LGSN: variants seen among roughly 807,000 people sequenced by gnomAD.
The protein encoded by LGSN is lengsin.
LGSN carries 21 observed loss-of-function variants against 19.5 expected under a neutral mutation model. The observed-to-expected ratio is 1.07, with a 90% CI of 0.76 to 1.55. The LOEUF (loss-of-function observed/expected upper bound fraction) is 1.55. Among genes scored for constraint, LGSN ranks in the 40% most tolerant of loss-of-function variants. The probability of loss-of-function intolerance (pLI) is 0.00; values close to 1 mark genes in which losing one functional copy is unlikely to be tolerated. For missense variants in LGSN, 673 were observed against 608.5 expected (o/e 1.11, Z -1.12); for synonymous variants, 257 against 215.6 (o/e 1.19, Z -1.68).
At chr6:63,566,607 T>G in the LGSN span, among the ~76,000 whole-genome samples, 2 of 152,222 alleles carry the variant, frequency 1.3e-5, no homozygotes, top group Non-Finnish European at 2.9e-5. Context: ...CTAACAGTCA[T>G]CTGAGCCTTC....
At chr6:63,325,752 G>A in the LGSN span, among the ~76,000 whole-genome samples, 4 of 152,108 alleles carry the variant, frequency 2.6e-5, no homozygotes, top group East Asian at 1.9e-4. Flanking sequence ...TGGTGGGTTC[G>A]TGGTCTCGCT....
chr6:63,367,147 A>T, the LGSN span, among the ~76,000 whole-genome samples: 11 of 152,336 alleles, frequency 7.2e-5, no homozygotes, highest in African/African-American at 2.6e-4. Context: ...ATCAGAGTGA[A>T]CAGGCAACCT....
At chr6:63,382,678 A>G in the LGSN span, among the ~76,000 whole-genome samples, 2 of 152,184 alleles carry the variant, frequency 1.3e-5, no homozygotes, top group Non-Finnish European at 2.9e-5. Context: ...GCCTGTAGAC[A>G]TATATACTTG....
chr6:63,391,561 T>C, the LGSN span, among the ~76,000 whole-genome samples: 2 of 152,206 alleles, frequency 1.3e-5, no homozygotes, highest in Admixed American at 6.5e-5. Flanking sequence ...TCAAGGTCTG[T>C]GTTAGCTTTT....
chr6:63,319,963 A>T lies in LGSN; in HGVS notation c.-20T>A, dbSNP rs1016036391. The T allele has an allele frequency of 6.3e-7, 1 of 1,597,588 alleles. No individual in the cohort carries two copies. Among genetic ancestry groups the T allele is most frequent in the Non-Finnish European group, 8.6e-7 (1 of 1,165,206 alleles). On this transcript the variant is annotated 5_prime_UTR_variant, in exon 1 of 4. Transcript: ENST00000370657. ...ATTCATCTCAACACTTTTTAAGTTC[A>T]GCGTTAGAAACCACAATATCCTCAA...
At chr6:63,335,749 C>G in the LGSN span, among the ~76,000 whole-genome samples, 447 of 151,794 alleles carry the variant, frequency 2.9e-3, 3 homozygotes, top group African/African-American at 0.01. Context: ...ATGGAGAACA[C>G]AATGGAAGTT....
the LGSN span, among the ~76,000 whole-genome samples, chr6:63,551,696 C>A: frequency 6.6e-6 from 1 of 150,652 alleles, no homozygotes; most frequent in East Asian, 2.0e-4. Flanking sequence ...CTCCCCCTAC[C>A]CCACAACAGG....
At chr6:63,345,760 A>C in the LGSN span, among the ~76,000 whole-genome samples, 5 of 152,174 alleles carry the variant, frequency 3.3e-5, no homozygotes, top group African/African-American at 9.7e-5. Flanking sequence ...AGTATTGTCT[A>C]CTGTGGGCAG....
At chr6:63,338,705 T>C in the LGSN span, among the ~76,000 whole-genome samples, 1 of 152,134 alleles carries the variant, frequency 6.6e-6, no homozygotes, top group African/African-American at 2.4e-5. Context: ...CTGATATTTA[T>C]TATTTTTCTT....
chr6:63,536,768 A>G, the LGSN span, among the ~76,000 whole-genome samples: 1 of 152,190 alleles, frequency 6.6e-6, no homozygotes, highest in Admixed American at 6.5e-5. Flanking sequence ...TATTTATTAG[A>G]AAAGGTTTTA....
At chr6:63,516,643 C>T in the LGSN span, among the ~76,000 whole-genome samples, 1 of 152,190 alleles carries the variant, frequency 6.6e-6, no homozygotes, top group African/African-American at 2.4e-5. Context: ...TCTTTCAAAG[C>T]AACAGAATCT....
chr6:63,294,347 T>A (rs965763695), intron 2 of LGSN, among the ~76,000 whole-genome samples: 18 of 151,778 alleles, frequency 1.2e-4, no homozygotes, highest in African/African-American at 3.1e-4. Context: ...AAAAATAAAT[T>A]AATTAATTAA....
chr6:63,522,620 T>C, the LGSN span, among the ~76,000 whole-genome samples: 2 of 152,166 alleles, frequency 1.3e-5, no homozygotes, highest in African/African-American at 2.4e-5. Flanking sequence ...AAGAACACAA[T>C]AGTGTAGCAG....
At chr6:63,390,363 C>T in the LGSN span, among the ~76,000 whole-genome samples, 2 of 151,460 alleles carry the variant, frequency 1.3e-5, no homozygotes, top group African/African-American at 4.9e-5. Context: ...CTCCTAACCT[C>T]AGGTGATCCA....
At chr6:63,433,394 C>T in the LGSN span, among the ~76,000 whole-genome samples, 1 of 152,278 alleles carries the variant, frequency 6.6e-6, no homozygotes, top group South Asian at 2.1e-4. Flanking sequence ...CACTGAAGCA[C>T]AGAGATACCA....
the LGSN span, among the ~76,000 whole-genome samples, chr6:63,449,633 C>T: frequency 2.0e-5 from 3 of 151,180 alleles, no homozygotes; most frequent in African/African-American, 7.3e-5. Flanking sequence ...AGAAAACAAC[C>T]AGTCCAAACT....
the LGSN span, among the ~76,000 whole-genome samples, chr6:63,531,476 A>C: frequency 2.0e-5 from 3 of 151,582 alleles, no homozygotes; most frequent in Admixed American, 1.3e-4. Flanking sequence ...AGATAATGTA[A>C]TATTTGTATT....
the LGSN span, chr6:63,571,073 A>C: frequency 1.1e-4 from 16 of 152,308 alleles, no homozygotes; most frequent in East Asian, 3.1e-3. Flanking sequence ...CCTTGATTTT[A>C]ATGGATTAAA....
chr6:63,389,407 A>G, the LGSN span, among the ~76,000 whole-genome samples: 1 of 152,232 alleles, frequency 6.6e-6, no homozygotes, highest in Non-Finnish European at 1.5e-5. Flanking sequence ...AATAGAAACT[A>G]CACTCAGTCT....
Sources: allele counts gnomAD v4.1 joint callset (sites outside exome capture counted in the v4.1 genomes callset), GRCh38; gene constraint gnomAD v4.1.1; transcripts MANE v1.5; gene names NCBI Gene and HGNC (gene_info 2026-07-23, HGNC 2026-07-21).